The following SEPTIN9 variants were observed in gnomAD, a reference collection of about 807,000 sequenced individuals.
The protein encoded by SEPTIN9 is septin-9.
SEPTIN9 carries 13 observed loss-of-function variants against 56.6 expected under a neutral mutation model. The ratio of observed to expected loss-of-function variants is 0.23; its 90% CI spans 0.15 to 0.37. SEPTIN9 has a LOEUF of 0.37. Among genes scored for constraint, SEPTIN9 ranks in the 10% least tolerant of loss-of-function variants. SEPTIN9 has a pLI of 1.00. For synonymous variants in SEPTIN9, 332 were observed against 334.1 expected (o/e 0.99, Z 0.07); for missense variants, 650 against 823.1 (o/e 0.79, Z 2.57).
chr17:77,410,527 G>T (rs1370526173), intron 3 of SEPTIN9, among the ~76,000 whole-genome samples: 1 of 152,204 alleles, frequency 6.6e-6, no homozygotes, highest in African/African-American at 2.4e-5. Context: ...TCGTGTGTGG[G>T]GAAATGGCAG....
chr17:77,351,341 G>T (rs2034059456), intron 2 of SEPTIN9, among the ~76,000 whole-genome samples: 1 of 152,070 alleles, frequency 6.6e-6, no homozygotes, highest in Admixed American at 6.6e-5. Context: ...GAAACTGTAG[G>T]CCCCACCTTT....
intron 3 of SEPTIN9, among the ~76,000 whole-genome samples, chr17:77,463,829 C>G (rs998769701): frequency 6.6e-6 from 1 of 151,794 alleles, no homozygotes; most frequent in African/African-American, 2.4e-5. Flanking sequence ...GACGACAGAG[C>G]AAGATTCCAT....
intron 2 of SEPTIN9, among the ~76,000 whole-genome samples, chr17:77,354,788 A>G (rs544766064): frequency 1.6e-4 from 24 of 152,080 alleles, no homozygotes; most frequent in Non-Finnish European, 3.2e-4. Flanking sequence ...GGGCGGTGCA[A>G]TCGTGACGCC....
At chr17:77,303,688 G>GTAA (rs113943617) in intron 1 of SEPTIN9, among the ~76,000 whole-genome samples, 1,838 of 150,746 alleles carry the variant, frequency 0.012, 37 homozygotes, top group South Asian at 0.094. Flanking sequence ...CTCAAAAGTA[G>GTAA]TAATAATAAT....
chr17:77,394,512 C>T (rs73373346), intron 2 of SEPTIN9, among the ~76,000 whole-genome samples: 1,730 of 152,344 alleles, frequency 0.011, 37 homozygotes, highest in African/African-American at 0.04. Flanking sequence ...CCAGGGCTAG[C>T]GTTCCTGGAA....
intron 2 of SEPTIN9, among the ~76,000 whole-genome samples, chr17:77,359,830 GA>G (rs66674505): frequency 1.3e-5 from 2 of 151,212 alleles, no homozygotes; most frequent in Admixed American, 1.3e-4. Flanking sequence ...TTTTAAAATG[GA>G]AAAAAAATCA....
chr17:77,382,927 A>G (rs2035197903), intron 2 of SEPTIN9, among the ~76,000 whole-genome samples: 3 of 152,116 alleles, frequency 2.0e-5, no homozygotes, highest in South Asian at 2.1e-4. Context: ...GCCCGGAAAC[A>G]TGGAATCTTG....
chr17:77,283,521 CA>C (rs67551539), intron 1 of SEPTIN9, among the ~76,000 whole-genome samples: 128,113 of 152,014 alleles, frequency 0.84, 54,359 homozygotes, highest in Non-Finnish European at 0.89. Flanking sequence ...GACCCCCCAA[CA>C]AGCCATCGAC....
At chr17:77,490,974 G>A (rs2040001771) in intron 8 of SEPTIN9, 115 bp downstream of exon 8, 1 of 843,158 alleles carries the variant, frequency 1.2e-6, no homozygotes, top group Admixed American at 2.1e-5. Flanking sequence ...CGAACCGCTG[G>A]TCACTCTCCC....
rs1273886850 is a variant in SEPTIN9, at chr17:77,473,378, G to GT, written c.722-8758dup. ...AGTTCTCATCACACCAAGTTTGTTT[G>GT]TTTTTTTTAATTCTCATTTTATTTT... On this transcript the variant is annotated intron_variant, in intron 3 of 11. Coordinates refer to ENST00000427177, the MANE Select transcript of SEPTIN9 (RefSeq NM_001113491.2). 1.1e-4 allele frequency among the ~76,000 whole-genome samples: 16 copies of GT among 151,962 alleles called. 1 individual carries two copies. The highest frequency in any genetic ancestry group is 5.8e-4 in the East Asian group (3 of 5,186).
chr17:77,474,151 G>A (rs1017207702), intron 3 of SEPTIN9, among the ~76,000 whole-genome samples: 2 of 152,246 alleles, frequency 1.3e-5, no homozygotes, highest in African/African-American at 4.8e-5. Context: ...GCCTCCTGGA[G>A]GTGGAGTTTT....
chr17:77,284,598 G>GTT (rs113644232), intron 1 of SEPTIN9, among the ~76,000 whole-genome samples: 6 of 151,988 alleles, frequency 3.9e-5, no homozygotes, highest in African/African-American at 1.2e-4. Flanking sequence ...TGCCTCATTT[G>GTT]TTTTTTTGTG....
In SEPTIN9 at chr17:77,451,386, AC is replaced by A; in HGVS notation, c.722-30756del. 3 of 983,540 alleles carry A rather than the reference AC, an allele frequency of 3.1e-6. No homozygotes were observed. In the South Asian group the frequency reaches 1.4e-4, roughly 46 times the overall value. The allele number at this position is 983,540 out of a possible 1,614,324, so 60.9% of individuals were successfully genotyped here. A position where few individuals can be genotyped will look rare whatever the true frequency, so the allele number is the denominator to read the frequency against. On this transcript the variant is annotated intron_variant, in intron 3 of 11. Transcript: ENST00000427177. This position sits in a 1 kb window ranked among gnomAD's most constrained non-coding sequence, Gnocchi z 4.2. ...TCCCAGGCAGTCGAGGTCCCTCCCT[AC>A]CTCTGCCCCGCGCTCTGGGAGGCTC...
chr17:77,320,417 G>T (rs1393489928), intron 2 of SEPTIN9: 3 of 1,355,566 alleles, frequency 2.2e-6, no homozygotes, highest in Non-Finnish European at 3.2e-6. Context: ...ATTTATGCCT[G>T]GGGGAATAAG....
In SEPTIN9 at chr17:77,437,292, G is replaced by C. The variant is rs1428793966; in HGVS notation, c.721+34589G>C. ...CCTCTGTGGTTTGGCCTGAGTCCAGGACTCATGGCCTGGTTCCCAGGGATG... is the reference window on the plus strand; with the variant it reads ...CCTCTGTGGTTTGGCCTGAGTCCAGCACTCATGGCCTGGTTCCCAGGGATG... On this transcript the variant is annotated intron_variant, in intron 3 of 11. Transcript: ENST00000427177. The surrounding 1 kb of genome is among the most constrained non-coding windows in gnomAD (Gnocchi z 5.3). 6.6e-6 allele frequency among the ~76,000 whole-genome samples: 1 copy of C among 152,154 alleles called. No homozygotes were observed. The highest frequency in any genetic ancestry group is 1.5e-5 in the Non-Finnish European group (1 of 68,014).
rs138464743 is a variant in SEPTIN9 at position 77,389,248 on chromosome 17, C to T, written c.77-12811C>T. Among the ~76,000 whole-genome samples the T allele has an allele frequency of 8.9e-3, 1,351 of 152,040 alleles. 9 individuals are homozygous for T. Among genetic ancestry groups the T allele is most frequent in the South Asian group, 0.017 (82 of 4,806 alleles). ...GAAGAGTCTGCTGTTGTTGGAGGGT[C>T]GGAAGTAGAGGGGAAGGAGGGGCAC... On this transcript the variant is annotated intron_variant, in intron 2 of 11. Transcript: ENST00000427177. The surrounding 1 kb of genome is among the most constrained non-coding windows in gnomAD (Gnocchi z 4.3).
intron 3 of SEPTIN9, among the ~76,000 whole-genome samples, chr17:77,464,930 G>A (rs1365937170): frequency 6.6e-6 from 1 of 152,128 alleles, no homozygotes; most frequent in Admixed American, 6.5e-5. Context: ...CACAGCCATC[G>A]CCATTAATCC....
At chr17:77,482,395 G>A (rs1246813581) in intron 4 of SEPTIN9, 60 bp downstream of exon 4, 2 of 1,565,784 alleles carry the variant, frequency 1.3e-6, no homozygotes, top group South Asian at 1.1e-5. Flanking sequence ...AGCCCCCAGG[G>A]CGGCCCACAA....
At chr17:77,430,200 C>G (rs955842192) in intron 3 of SEPTIN9, among the ~76,000 whole-genome samples, 3 of 152,140 alleles carry the variant, frequency 2.0e-5, no homozygotes, top group Admixed American at 6.5e-5. Context: ...GCCACCCTCC[C>G]CCCGCCAGCT....
Sources: allele counts gnomAD v4.1 joint callset (sites outside exome capture counted in the v4.1 genomes callset), GRCh38; gene constraint gnomAD v4.1.1; non-coding constraint Gnocchi (gnomAD v3.1); transcripts MANE v1.5; gene names NCBI Gene and HGNC (gene_info 2026-07-23, HGNC 2026-07-21).